RUNX1T1: variants seen among roughly 807,000 people sequenced by gnomAD.
RUNX1T1 encodes the protein protein CBFA2T1.
RUNX1T1 carries 4 observed loss-of-function variants against 62.8 expected under a neutral mutation model. That is an observed-to-expected ratio of 0.06 (90% CI 0.03 to 0.15). RUNX1T1 has a LOEUF of 0.15. RUNX1T1 is among the 10% of genes least tolerant of loss of function. The probability of loss-of-function intolerance (pLI) is 1.00; values close to 1 mark genes in which losing one functional copy is unlikely to be tolerated. For synonymous variants in RUNX1T1, 291 were observed against 286.0 expected, an observed-to-expected ratio of 1.02 and a Z score of -0.18; for missense variants, 508 against 754.3, an observed-to-expected ratio of 0.67 and a Z score of 3.82.
intron 1 of RUNX1T1, among the ~76,000 whole-genome samples, chr8:92,089,458 C>CA (rs941849146): frequency 1.3e-5 from 2 of 152,136 alleles, no homozygotes; most frequent in Admixed American, 6.5e-5. Context: ...AGGTTCTCTC[C>CA]AAAAAATGGC....
chr8:92,042,325 T>C (rs1047592994), intron 1 of RUNX1T1, among the ~76,000 whole-genome samples: 1 of 152,158 alleles, frequency 6.6e-6, no homozygotes, highest in Admixed American at 6.5e-5. Flanking sequence ...ATTTCTTTTT[T>C]CTTTGTTTGA....
chr8:91,957,376 T>C (rs1809542800), downstream of RUNX1T1: 1 of 226,120 alleles, frequency 4.4e-6, no homozygotes, highest in African/African-American at 2.2e-5. Flanking sequence ...TGGTGCAATA[T>C]ACATGCTGTC....
intron 10 of RUNX1T1, among the ~76,000 whole-genome samples, chr8:91,963,416 A>C (rs939587737): frequency 6.6e-6 from 1 of 152,000 alleles, no homozygotes; most frequent in Admixed American, 6.6e-5. Flanking sequence ...AACTTTAGTG[A>C]GTGTTCAACT....
At chr8:92,102,994 G>A (rs1235928019), upstream of RUNX1T1, 3 of 1,205,242 alleles carry the variant, frequency 2.5e-6, no homozygotes, top group Admixed American at 3.5e-5. The surrounding 1 kb of genome is among the most constrained non-coding windows in gnomAD (Gnocchi z 4.5). Flanking sequence ...GAGTGTCCGC[G>A]GCCACTCGCC....
chr8:91,991,728 C>T (rs1248304190), exon 6 of RUNX1T1: 1 of 1,614,036 alleles, frequency 6.2e-7, no homozygotes, highest in Non-Finnish European at 8.5e-7. Context: ...ATCATCCAAA[C>T]GGTAATGCTG....
intron 8 of RUNX1T1, among the ~76,000 whole-genome samples, chr8:91,982,699 C>G (rs73696992): frequency 6.6e-6 from 1 of 152,028 alleles, no homozygotes. Flanking sequence ...GAGTTGGATA[C>G]TTGGAGTTTT....
At chr8:92,064,350 A>AT (rs1235577166), upstream of RUNX1T1, among the ~76,000 whole-genome samples, 1 of 152,190 alleles carries the variant, frequency 6.6e-6, no homozygotes, top group Non-Finnish European at 1.5e-5. Flanking sequence ...TTCTGTCACT[A>AT]ATAGTATACT....
chr8:92,031,148 A>G (rs925532873), intron 1 of RUNX1T1, among the ~76,000 whole-genome samples: 1 of 152,198 alleles, frequency 6.6e-6, no homozygotes, highest in African/African-American at 2.4e-5. Context: ...TATTCTGTCA[A>G]TTCCACTTCT....
chr8:92,017,642 G>T (rs554896239), intron 1 of RUNX1T1: 3 of 1,302,258 alleles, frequency 2.3e-6, no homozygotes, highest in South Asian at 1.7e-5. Flanking sequence ...GTTATATGCA[G>T]CAGCACAACT....
intron 8 of RUNX1T1, 25 bp from the exon 10 acceptor site, chr8:91,975,998 GGA>G: frequency 1.3e-6 from 2 of 1,481,964 alleles, no homozygotes; most frequent in Non-Finnish European, 1.9e-6. Flanking sequence ...GGAAGGGGGT[GGA>G]GAGAGGAGGA....
intron 7 of RUNX1T1, 62 bp downstream of exon 8, chr8:91,986,825 A>G: frequency 9.4e-7 from 1 of 1,060,654 alleles, no homozygotes; most frequent in East Asian, 2.4e-5. Context: ...ATTTTATCAC[A>G]TAACCTCACT....
chr8:91,992,457 C>G (rs1054254398), intron 5 of RUNX1T1, among the ~76,000 whole-genome samples: 7 of 152,172 alleles, frequency 4.6e-5, no homozygotes, highest in Middle Eastern at 3.2e-3. Context: ...TATCACTAGC[C>G]ACATTTCATG....
intron 1 of RUNX1T1, among the ~76,000 whole-genome samples, chr8:92,077,249 CTTAG>C (rs1296875992): frequency 6.6e-6 from 1 of 151,978 alleles, no homozygotes; most frequent in Non-Finnish European, 1.5e-5. Context: ...CTAGATATTT[CTTAG>C]TTGGGAATTG....
At chr8:91,986,148 C>A in exon 8 of RUNX1T1, 1 of 1,614,022 alleles carries the variant, frequency 6.2e-7, no homozygotes, top group Non-Finnish European at 8.5e-7. Flanking sequence ...TCTGGGTTGA[C>A]GGGACTCTGC....
chr8:92,014,450 T>C, intron 3 of RUNX1T1, 129 bp downstream of exon 4: 1 of 895,926 alleles, frequency 1.1e-6, no homozygotes, highest in Middle Eastern at 3.7e-4. Context: ...TGAATCAGAC[T>C]TGCACACAAT....
intron 2 of RUNX1T1, among the ~76,000 whole-genome samples, chr8:92,072,488 C>T: frequency 6.6e-6 from 1 of 152,158 alleles, no homozygotes. Context: ...ATGATATACT[C>T]TTCTTTCATC....
chr8:91,965,081 G>A (rs1178340076), intron 10 of RUNX1T1, among the ~76,000 whole-genome samples: 1 of 152,150 alleles, frequency 6.6e-6, no homozygotes, highest in Admixed American at 6.5e-5. Context: ...CTGACTGGAA[G>A]AAAGAGAGAG....
chr8:92,000,667 T>C (rs1221881846), intron 5 of RUNX1T1, among the ~76,000 whole-genome samples: 2 of 152,158 alleles, frequency 1.3e-5, no homozygotes, highest in African/African-American at 2.4e-5. Context: ...ATCTCACAAA[T>C]ACAACCAACA....
chr8:92,088,885 C>T (rs2130882363), intron 1 of RUNX1T1, among the ~76,000 whole-genome samples: 1 of 152,318 alleles, frequency 6.6e-6, no homozygotes, highest in South Asian at 2.1e-4. Flanking sequence ...ACATAATATT[C>T]AACCCAGTTA....
Sources: gnomAD v4.1 joint callset for allele counts (sites outside exome capture counted in the v4.1 genomes callset) on GRCh38, gnomAD v4.1.1 for gene constraint, Gnocchi (gnomAD v3.1) non-coding constraint, MANE v1.5 for transcripts, NCBI Gene and HGNC (gene_info 2026-07-23, HGNC 2026-07-21) for gene names.